The following KIAA0825 variants were observed in gnomAD, a reference collection of about 807,000 sequenced individuals.
The protein encoded by KIAA0825 is uncharacterized protein KIAA0825.
A neutral mutation model predicts 147.6 loss-of-function variants in KIAA0825; 119 were observed. The ratio of observed to expected loss-of-function variants is 0.81; its 90% CI spans 0.69 to 0.94. The LOEUF (loss-of-function observed/expected upper bound fraction) is 0.94. KIAA0825 is among the 40% of genes least tolerant of loss of function. KIAA0825 has a pLI of 0.00. For missense variants in KIAA0825, 1,381 were observed against 1,472.7 expected, an observed-to-expected ratio of 0.94 and a Z score of 1.02; for synonymous variants, 470 against 518.1, an observed-to-expected ratio of 0.91 and a Z score of 1.26.
At chr5:94,295,507 G>A (rs746967717) in intron 20 of KIAA0825, among the ~76,000 whole-genome samples, 2 of 151,964 alleles carry the variant, frequency 1.3e-5, no homozygotes, top group African/African-American at 2.4e-5. Context: ...ACGCATTCTG[G>A]TTTTGGAATT....
intron 20 of KIAA0825, among the ~76,000 whole-genome samples, chr5:94,325,798 G>A (rs1245375866): frequency 6.6e-6 from 1 of 151,866 alleles, no homozygotes; most frequent in African/African-American, 2.4e-5. Context: ...GTTACTTGTT[G>A]AATAATGTAT....
intron 5 of KIAA0825, among the ~76,000 whole-genome samples, chr5:94,502,606 T>C (rs1337365516): frequency 6.6e-6 from 1 of 152,220 alleles, no homozygotes; most frequent in Non-Finnish European, 1.5e-5. Context: ...ATGAGAATGC[T>C]GACATTTCCC....
chr5:94,499,684 T>C (rs1255985357), intron 5 of KIAA0825, among the ~76,000 whole-genome samples: 2 of 152,044 alleles, frequency 1.3e-5, no homozygotes, highest in Non-Finnish European at 2.9e-5. Flanking sequence ...ATAAGTCGTT[T>C]GGCTGGCTAG....
chr5:94,462,548 C>T lies in KIAA0825; in HGVS notation c.2085G>A (p.Leu695=). ...PQLRLDVTTI[L]ICTENMLWSV... is the part of the protein sequence containing the mutation. ...ACCATAACATGTTCTCAGTGCATAT[C>T]AAAATTGTTGTGACATCAAGTCTGT... Residue 695 remains leucine, a synonymous_variant, in exon 12 of 21, where the codon TTG becomes TTA. Transcript: ENST00000682413. The T allele has an allele frequency of 6.6e-7, 1 of 1,505,114 alleles. No homozygotes were observed. The allele number at this position is 1,505,114 out of a possible 1,614,324, so 93.2% of individuals were successfully genotyped here.
intron 15 of KIAA0825, chr5:94,413,200 T>C (rs1752995580): frequency 1.3e-5 from 2 of 152,134 alleles, no homozygotes; most frequent in Non-Finnish European, 2.9e-5. Context: ...ATCTCCCACT[T>C]TGGCCTCCCA....
At position 94,529,337 on chromosome 5, in the gene KIAA0825, A is replaced by ATGTATATATCATATATG. The variant is rs1328402904; in HGVS notation, c.132-5256_132-5240dup. Among the ~76,000 whole-genome samples, 834 of 119,220 alleles carry ATGTATATATCATATATG rather than the reference A, an allele frequency of 7.0e-3. 8 individuals carry two copies. The highest frequency in any genetic ancestry group is 0.015 in the African/African-American group (515 of 33,338). The allele number at this position is 119,220 out of a possible 152,430, so 78.2% of individuals were successfully genotyped here. On this transcript the variant is annotated intron_variant, in intron 3 of 20. Transcript: ENST00000682413. Reference sequence around the variant, plus strand: ...TCATATATATGTATATATCATATATATGTATATATCATATATGTATATATC... The same window carrying ATGTATATATCATATATG: ...TCATATATATGTATATATCATATATATGTATATATCATATATGTGTATATATCATATATGTATATATC...
chr5:94,418,373 T>C (rs2150718921), intron 14 of KIAA0825, among the ~76,000 whole-genome samples: 1 of 152,276 alleles, frequency 6.6e-6, no homozygotes, highest in African/African-American at 2.4e-5. Context: ...TGCTTCCTAA[T>C]ACCCATTTTC....
intron 20 of KIAA0825, among the ~76,000 whole-genome samples, chr5:94,383,649 T>C (rs1047835259): frequency 2.0e-5 from 3 of 152,206 alleles, no homozygotes; most frequent in African/African-American, 7.2e-5. Context: ...TTACACCTTA[T>C]AGTTTTTACT....
chr5:94,557,394 G>A (rs1357852018), intron 2 of KIAA0825, among the ~76,000 whole-genome samples: 1 of 151,504 alleles, frequency 6.6e-6, no homozygotes, highest in East Asian at 1.9e-4. Flanking sequence ...GAGCCACCAT[G>A]CAAGGCTCCT....
chr5:94,393,733 T>C (rs935279409), intron 17 of KIAA0825, among the ~76,000 whole-genome samples: 5 of 152,236 alleles, frequency 3.3e-5, no homozygotes, highest in African/African-American at 1.2e-4. Context: ...AATACATTTT[T>C]CCTCACAGTG....
chr5:94,351,301 A>C (rs1039477602), intron 20 of KIAA0825, among the ~76,000 whole-genome samples: 2 of 152,160 alleles, frequency 1.3e-5, no homozygotes, highest in African/African-American at 4.8e-5. Context: ...GAATCAGATC[A>C]ACAACTCAAC....
intron 2 of KIAA0825, among the ~76,000 whole-genome samples, chr5:94,546,258 A>G (rs1774331620): frequency 6.6e-6 from 1 of 152,202 alleles, no homozygotes; most frequent in Non-Finnish European, 1.5e-5. Context: ...GCTCCAAGAC[A>G]GTAGCTATGA....
At chr5:94,397,524 G>T (rs76443762) in intron 16 of KIAA0825, among the ~76,000 whole-genome samples, 10,268 of 152,236 alleles carry the variant, frequency 0.067, 791 homozygotes, top group East Asian at 0.4. Context: ...AGTTGTCATG[G>T]ATTGCAGAGG....
chr5:94,343,322 A>T (rs1782633698), intron 20 of KIAA0825, among the ~76,000 whole-genome samples: 1 of 152,130 alleles, frequency 6.6e-6, no homozygotes, highest in African/African-American at 2.4e-5. Flanking sequence ...ACCATCATCC[A>T]TAAAGGAAGG....
At chr5:94,368,537 C>T (rs762375933) in intron 20 of KIAA0825, among the ~76,000 whole-genome samples, 4 of 152,246 alleles carry the variant, frequency 2.6e-5, no homozygotes, top group Admixed American at 6.5e-5. Context: ...GTTAATCCAG[C>T]AGATACACAG....
At chr5:94,159,078 C>T (rs1199843523) in intron 20 of KIAA0825, among the ~76,000 whole-genome samples, 1 of 152,166 alleles carries the variant, frequency 6.6e-6, no homozygotes, top group East Asian at 1.9e-4. Context: ...GGGCTGATGA[C>T]TCTGTGGTTC....
At chr5:94,182,250 C>CTT (rs771486226) in intron 20 of KIAA0825, among the ~76,000 whole-genome samples, 422 of 38,234 alleles carry the variant, frequency 0.011, 105 homozygotes, top group African/African-American at 0.032. Context: ...AATGTCCCTT[C>CTT]TTTTTTTTTT....
At chr5:94,496,890 C>A (rs1347241748) in intron 5 of KIAA0825, among the ~76,000 whole-genome samples, 1 of 152,104 alleles carries the variant, frequency 6.6e-6, no homozygotes, top group Admixed American at 6.6e-5. Flanking sequence ...CTGCGGTTTT[C>A]CTGTCCAGCC....
intron 1 of KIAA0825, among the ~76,000 whole-genome samples, chr5:94,614,345 T>C (rs11135406): frequency 0.14 from 21,809 of 152,220 alleles, 1,782 homozygotes; most frequent in East Asian, 0.32. Context: ...TACACTCTAA[T>C]GTTTCTGTAA....
Sources: allele counts gnomAD v4.1 joint callset (sites outside exome capture counted in the v4.1 genomes callset), GRCh38; gene constraint gnomAD v4.1.1; transcripts MANE v1.5; gene names NCBI Gene and HGNC (gene_info 2026-07-23, HGNC 2026-07-21).